SGPP1: variants seen among roughly 807,000 people sequenced by gnomAD.
The protein encoded by SGPP1 is sphingosine-1-phosphate phosphatase 1, also known as hSPP1.
SGPP1 carries 21 observed loss-of-function variants against 33.0 expected under a neutral mutation model. The ratio of observed to expected loss-of-function variants is 0.64; its 90% CI spans 0.45 to 0.92. The LOEUF (loss-of-function observed/expected upper bound fraction) is 0.92, where lower values mean the gene tolerates loss of function less well. Among genes scored for constraint, SGPP1 ranks in the 40% least tolerant of loss-of-function variants. The pLI is 0.00. For synonymous variants in SGPP1, 239 were observed against 241.2 expected (o/e 0.99, Z 0.08); for missense variants, 543 against 589.4 (o/e 0.92, Z 0.81).
intron 1 of SGPP1, among the ~76,000 whole-genome samples, chr14:63,710,748 A>T (rs1393166218): frequency 6.6e-6 from 1 of 152,206 alleles, no homozygotes; most frequent in African/African-American, 2.4e-5. Context: ...CTGTTCTCAA[A>T]TCCTAAGGGA....
rs1322004162 is a variant in SGPP1 at position 63,718,990 on chromosome 14, ATATATATATATATATATATATATATTTT to A, written c.684+8243_684+8270del. On this transcript the variant is annotated intron_variant, in intron 1 of 2. Coordinates refer to ENST00000247225, the MANE Select transcript of SGPP1 (RefSeq NM_030791.4). Reference sequence around the variant, plus strand: ...TATATGTATATACATATATATATATATATATATATATATATATATATATATTTTTTTTTTTTTTTTTTTTTTTTTTTTT... The same window carrying A: ...TATATGTATATACATATATATATATATTTTTTTTTTTTTTTTTTTTTTTTT... 5.5e-3 allele frequency among the ~76,000 whole-genome samples: 88 copies of A among 15,892 alleles called. 2 individuals carry two copies. The highest frequency in any genetic ancestry group is 9.3e-3 in the Non-Finnish European group (77 of 8,300). 10.4% of individuals were successfully genotyped at this position (15,892 alleles called of 152,430 possible).
intron 1 of SGPP1, among the ~76,000 whole-genome samples, chr14:63,721,155 T>C (rs1595073513): frequency 6.6e-6 from 1 of 152,242 alleles, no homozygotes; most frequent in South Asian, 2.1e-4. Context: ...AGTGCTGGGA[T>C]TACAGGCGTG....
intron 2 of SGPP1, among the ~76,000 whole-genome samples, chr14:63,688,968 G>A (rs191617853): frequency 5.3e-5 from 8 of 152,100 alleles, no homozygotes; most frequent in East Asian, 3.9e-4. Flanking sequence ...TGATCCTCCC[G>A]CCTCAGTCTC....
chr14:63,712,236 T>C (rs1885537638), intron 1 of SGPP1, among the ~76,000 whole-genome samples: 1 of 152,326 alleles, frequency 6.6e-6, no homozygotes, highest in African/African-American at 2.4e-5. Context: ...TCAGTACTTA[T>C]CTTGCTTGTT....
At chr14:63,705,695 G>GA (rs1196641674) in intron 1 of SGPP1, among the ~76,000 whole-genome samples, 1 of 151,954 alleles carries the variant, frequency 6.6e-6, no homozygotes, top group Non-Finnish European at 1.5e-5. Context: ...AATGAAAAAT[G>GA]AAAATCAAAA....
chr14:63,688,315 C>CA (rs71120275), intron 2 of SGPP1, among the ~76,000 whole-genome samples: 2,680 of 31,036 alleles, frequency 0.086, 295 homozygotes, highest in Non-Finnish European at 0.13. Flanking sequence ...GACTCTGTCT[C>CA]AAAAAAAAAA....
chr14:63,722,341 G>A (rs1361832882), intron 1 of SGPP1, among the ~76,000 whole-genome samples: 2 of 149,386 alleles, frequency 1.3e-5, no homozygotes, highest in East Asian at 3.9e-4. Context: ...TGACCAACAT[G>A]GTGAAACCCT....
chr14:63,726,348 G>A (rs1159959889), intron 1 of SGPP1, among the ~76,000 whole-genome samples: 2 of 151,952 alleles, frequency 1.3e-5, no homozygotes, highest in Non-Finnish European at 2.9e-5. Context: ...AAATCTTACA[G>A]TTCAAAGACA....
intron 2 of SGPP1, among the ~76,000 whole-genome samples, chr14:63,689,860 G>A (rs900749927): frequency 4.6e-5 from 7 of 151,758 alleles, no homozygotes; most frequent in Non-Finnish European, 1.5e-5. Context: ...TGTTACAGCA[G>A]TCTCTTTTGA....
intron 1 of SGPP1, among the ~76,000 whole-genome samples, chr14:63,712,420 G>A (rs1034406081): frequency 8.5e-5 from 13 of 152,082 alleles, no homozygotes; most frequent in African/African-American, 3.1e-4. Flanking sequence ...CTGGAGACAT[G>A]CTCATCCCCT....
intron 1 of SGPP1, among the ~76,000 whole-genome samples, chr14:63,713,973 G>C (rs553450287): frequency 2.0e-5 from 3 of 152,306 alleles, no homozygotes; most frequent in East Asian, 3.9e-4. Context: ...AGGAGGCCCA[G>C]ACAGAACATA....
chr14:63,704,467 C>T (rs1464259406), intron 1 of SGPP1, among the ~76,000 whole-genome samples: 1 of 152,158 alleles, frequency 6.6e-6, no homozygotes, highest in East Asian at 1.9e-4. Flanking sequence ...TACCTACATG[C>T]AAAATGATGA....
At chr14:63,718,601 A>C (rs564657378) in intron 1 of SGPP1, among the ~76,000 whole-genome samples, 18 of 152,192 alleles carry the variant, frequency 1.2e-4, no homozygotes, top group African/African-American at 4.1e-4. Flanking sequence ...GATAAGTGGA[A>C]ATATACTGTT....
chr14:63,714,912 A>G lies in SGPP1; in HGVS notation c.684+12349T>C, dbSNP rs571617798. On this transcript the variant is annotated intron_variant, in intron 1 of 2. Transcript: ENST00000247225. The stretch of plus-strand genomic sequence containing the variant: ...CTGGCTAACTTTCTATATTTTTTAT[A>G]GTGATGGAATTTCACCATGGTGCCC... 2.6e-5 allele frequency among the ~76,000 whole-genome samples: 4 copies of G among 151,528 alleles called. No homozygotes were observed. In the East Asian group the frequency reaches 7.8e-4, roughly 29 times the overall value.
At chr14:63,716,503 A>G (rs1454895054) in intron 1 of SGPP1, among the ~76,000 whole-genome samples, 1 of 151,936 alleles carries the variant, frequency 6.6e-6, no homozygotes. Context: ...CAAAAAAACA[A>G]ACAAAAAAAT....
At chr14:63,725,396 A>G (rs1404883345) in intron 1 of SGPP1, among the ~76,000 whole-genome samples, 1 of 152,232 alleles carries the variant, frequency 6.6e-6, no homozygotes, top group Non-Finnish European at 1.5e-5. Context: ...CAGAACAACT[A>G]ACCGAAAAAT....
intron 1 of SGPP1, among the ~76,000 whole-genome samples, chr14:63,717,637 C>G (rs1885663419): frequency 6.6e-6 from 1 of 151,956 alleles, no homozygotes; most frequent in Non-Finnish European, 1.5e-5. Flanking sequence ...TTGGAATTTC[C>G]AAAGAACCGA....
At chr14:63,724,010 T>C (rs185060064) in intron 1 of SGPP1, among the ~76,000 whole-genome samples, 1 of 152,152 alleles carries the variant, frequency 6.6e-6, no homozygotes, top group African/African-American at 2.4e-5. Flanking sequence ...CCCTAGTAGC[T>C]AGAACTACAG....
intron 2 of SGPP1, among the ~76,000 whole-genome samples, chr14:63,691,191 A>T (rs1401823367): frequency 6.6e-6 from 1 of 152,220 alleles, no homozygotes; most frequent in Non-Finnish European, 1.5e-5. Context: ...CAATTAACAA[A>T]ATGTTTACGC....
Sources: allele counts gnomAD v4.1 joint callset (sites outside exome capture counted in the v4.1 genomes callset), GRCh38; gene constraint gnomAD v4.1.1; transcripts MANE v1.5; gene names NCBI Gene and HGNC (gene_info 2026-07-23, HGNC 2026-07-21).